DSCAM: variants seen among roughly 807,000 people sequenced by gnomAD.
DSCAM encodes the protein cell adhesion molecule DSCAM.
A neutral mutation model predicts 217.7 loss-of-function variants in DSCAM; 47 were observed. The ratio of observed to expected loss-of-function variants is 0.22; its 90% CI spans 0.17 to 0.28. DSCAM has a LOEUF of 0.28. Among genes scored for constraint, DSCAM ranks in the 10% least tolerant of loss-of-function variants. DSCAM has a pLI of 1.00. For missense variants in DSCAM, 2,080 were observed against 2,618.3 expected (o/e 0.79, Z 4.49); for synonymous variants, 1,056 against 1,015.3 (o/e 1.04, Z -0.76).
rs533052278 is a variant in DSCAM at position 40,666,333 on chromosome 21, GAGT to G, written c.508+26474_508+26476del. ...AACCCTTAAAACAACCCTATGAGCA[GAGT>G]AGTATCATCCTCATCATTTTCCAGA... On this transcript the variant is annotated intron_variant, in intron 3 of 32. Coordinates refer to ENST00000400454, the MANE Select transcript of DSCAM (RefSeq NM_001389.5). Among the ~76,000 whole-genome samples, 6 of 152,270 alleles carry G rather than the reference GAGT, an allele frequency of 3.9e-5. No individual in the cohort carries two copies. In the South Asian group the frequency reaches 1.2e-3, roughly 32 times the overall value.
intron 1 of DSCAM, among the ~76,000 whole-genome samples, chr21:40,834,269 T>C (rs1013215686): frequency 2.0e-5 from 3 of 151,466 alleles, no homozygotes; most frequent in Non-Finnish European, 4.4e-5. Context: ...TAGCCGGGCA[T>C]GGTGGCGGGT....
At chr21:40,498,139 G>A (rs1271361044) in intron 3 of DSCAM, among the ~76,000 whole-genome samples, 1 of 152,084 alleles carries the variant, frequency 6.6e-6, no homozygotes, top group Admixed American at 6.6e-5. Flanking sequence ...GTGTCATTGG[G>A]CTGCTTAAAT....
intron 1 of DSCAM, among the ~76,000 whole-genome samples, chr21:40,845,938 G>A (rs374169433): frequency 6.6e-6 from 1 of 151,730 alleles, no homozygotes; most frequent in Non-Finnish European, 1.5e-5. Flanking sequence ...TATTGGCTGG[G>A]CATGAGGAAA....
intron 1 of DSCAM, among the ~76,000 whole-genome samples, chr21:40,835,957 A>G (rs1211788116): frequency 6.6e-6 from 1 of 152,222 alleles, no homozygotes; most frequent in Non-Finnish European, 1.5e-5. Flanking sequence ...GTGATTATTT[A>G]CCTAAAAGAA....
At chr21:40,640,931 A>G (rs2089870038) in intron 3 of DSCAM, among the ~76,000 whole-genome samples, 1 of 152,222 alleles carries the variant, frequency 6.6e-6, no homozygotes, top group Admixed American at 6.5e-5. Flanking sequence ...AGTACGTGAA[A>G]GCAATTTAGG....
intron 1 of DSCAM, among the ~76,000 whole-genome samples, chr21:40,750,221 C>A (rs148171440): frequency 1.6e-4 from 25 of 152,162 alleles, no homozygotes; most frequent in Non-Finnish European, 3.2e-4. Context: ...AGCCACCATG[C>A]CTGACCTCAT....
intron 3 of DSCAM, among the ~76,000 whole-genome samples, chr21:40,474,724 C>T (rs1354994392): frequency 1.3e-5 from 2 of 152,158 alleles, no homozygotes; most frequent in East Asian, 3.9e-4. Context: ...GCAGCATCCC[C>T]CAGACATAAT....
chr21:40,622,266 G>A (rs1050321418), intron 3 of DSCAM, among the ~76,000 whole-genome samples: 3 of 122,688 alleles, frequency 2.4e-5, no homozygotes, highest in Non-Finnish European at 3.6e-5. Context: ...TTGAGTGTCC[G>A]CCCCACTGTT....
intron 4 of DSCAM, among the ~76,000 whole-genome samples, chr21:40,355,299 G>GCATGT (rs2123655091): frequency 6.6e-6 from 1 of 152,304 alleles, no homozygotes; most frequent in South Asian, 2.1e-4. Context: ...ACTACCGACA[G>GCATGT]CATGTGGCGT....
chr21:40,438,264 T>C (rs1451134112), intron 3 of DSCAM, among the ~76,000 whole-genome samples: 1 of 151,846 alleles, frequency 6.6e-6, no homozygotes, highest in African/African-American at 2.4e-5. Flanking sequence ...AAAATAGAGC[T>C]TGTGATATTG....
At chr21:40,601,456 A>G (rs2146261966) in intron 3 of DSCAM, among the ~76,000 whole-genome samples, 1 of 152,330 alleles carries the variant, frequency 6.6e-6, no homozygotes, top group Non-Finnish European at 1.5e-5. Context: ...TCATCTGTGA[A>G]CAAGGACAAT....
intron 3 of DSCAM, among the ~76,000 whole-genome samples, chr21:40,603,925 C>CTTTTTTTT (rs3070814): frequency 3.1e-5 from 3 of 97,322 alleles, no homozygotes; most frequent in Admixed American, 1.2e-4. Flanking sequence ...TTTTGCATTT[C>CTTTTTTTT]TTTTTTTTTT....
intron 3 of DSCAM, among the ~76,000 whole-genome samples, chr21:40,441,742 G>T (rs2075632270): frequency 6.6e-6 from 1 of 152,006 alleles, no homozygotes; most frequent in South Asian, 2.1e-4. Context: ...TTATTTCTCT[G>T]GTTCCTTCTT....
Position 40,647,776 on chromosome 21 carries a change from A to G in DSCAM, c.508+45034T>C, listed in dbSNP as rs190828184. 1.1e-3 allele frequency among the ~76,000 whole-genome samples: 162 copies of G among 152,340 alleles called. 3 individuals carry two copies. Among genetic ancestry groups the G allele is most frequent in the African/African-American group, 3.6e-3 (151 of 41,570 alleles). On this transcript the variant is annotated intron_variant, in intron 3 of 32. Coordinates refer to ENST00000400454, the MANE Select transcript of DSCAM (RefSeq NM_001389.5). ...CATTTCATAATGCAGAAACCCTAGG[A>G]CCTTTCAACATTAATACAAATGTGG...
intron 3 of DSCAM, among the ~76,000 whole-genome samples, chr21:40,517,150 A>G (rs895537809): frequency 6.7e-6 from 1 of 148,774 alleles, no homozygotes; most frequent in Admixed American, 6.8e-5. Flanking sequence ...ATATATTTAC[A>G]TATAAATACA....
intron 3 of DSCAM, among the ~76,000 whole-genome samples, chr21:40,572,088 GTGTGTGT>G (rs2076811700): frequency 0.011 from 80 of 7,604 alleles, no homozygotes; most frequent in African/African-American, 0.06. Context: ...GTGTGTGGGT[GTGTGTGT>G]GTGTGTGTGT....
chr21:40,368,714 G>A (rs1181783398), intron 4 of DSCAM, among the ~76,000 whole-genome samples: 2 of 152,164 alleles, frequency 1.3e-5, no homozygotes, highest in African/African-American at 4.8e-5. Context: ...ATTTACCACA[G>A]GGGGGCAATT....
chr21:40,513,006 T>C (rs948157089), intron 3 of DSCAM: 2 of 152,242 alleles, frequency 1.3e-5, no homozygotes, highest in South Asian at 2.1e-4. Flanking sequence ...TTCAAGCGAT[T>C]CTCCTACCTC....
rs568960194 is a variant in DSCAM, at chr21:40,213,220, G to A, written c.2357-23982C>T. Among the ~76,000 whole-genome samples, 38 of 152,168 alleles carry A rather than the reference G, an allele frequency of 2.5e-4. No individual in the cohort carries two copies. The South Asian group carries it at 2.7e-3, about 11-fold the overall frequency. On this transcript the variant is annotated intron_variant, in intron 11 of 32. Transcript: ENST00000400454. ...CACATTTTTAAACTTCATATTCCAC[G>A]TTTTGCTTTATTTTGGGTATCAAGG...
Sources: allele counts gnomAD v4.1 joint callset (sites outside exome capture counted in the v4.1 genomes callset), GRCh38; gene constraint gnomAD v4.1.1; transcripts MANE v1.5; gene names NCBI Gene and HGNC (gene_info 2026-07-23, HGNC 2026-07-21).